Variants in ZFAND6 observed in about 807,000 individuals in gnomAD.
ZFAND6 encodes the protein AN1-type zinc finger protein 6.
ZFAND6 carries 12 observed loss-of-function variants against 24.5 expected under a neutral mutation model. That is an observed-to-expected ratio of 0.49 (90% CI 0.31 to 0.79). The LOEUF is 0.79. ZFAND6 is among the 30% of genes least tolerant of loss of function. The pLI is 0.04. For missense variants in ZFAND6, 207 were observed against 245.9 expected (o/e 0.84, Z 1.06); for synonymous variants, 92 against 81.5 (o/e 1.13, Z -0.69).
intron 2 of ZFAND6, among the ~76,000 whole-genome samples, chr15:80,102,997 C>T (rs1161354289): frequency 3.3e-5 from 5 of 152,192 alleles, no homozygotes; most frequent in Non-Finnish European, 7.3e-5. Context: ...TATTCTGTCT[C>T]CTCCCCACCT....
rs572142459 is a variant in ZFAND6, at chr15:80,131,240, C to G, written c.425C>G (p.Pro142Arg). 23 of 1,612,000 alleles carry G rather than the reference C, an allele frequency of 1.4e-5. No individual in the cohort carries two copies. Among genetic ancestry groups the G allele is most frequent in the East Asian group, 4.5e-5 (2 of 44,862 alleles). ...GAGCAAAGCAAGTCTCTTGAAAAAC[C>G]GAAACAAAAAAAGAATCGCTGTTTC... is the stretch of plus-strand genomic sequence containing the variant. The part of the protein sequence containing the change: ...SEEQSKSLEK[P>R]KQKKNRCFMC... The change falls in exon 6 of 7, where the codon CCG becomes CGG. Residue 142 changes from proline to arginine, a missense_variant. Physicochemically the swap from Pro to Arg is moderately radical, Grantham distance 103. Coordinates refer to ENST00000261749, the MANE Select transcript of ZFAND6 (RefSeq NM_019006.4).
intron 1 of ZFAND6, among the ~76,000 whole-genome samples, chr15:80,091,001 T>C (rs2038325290): frequency 1.3e-5 from 2 of 152,230 alleles, no homozygotes; most frequent in African/African-American, 2.4e-5. Flanking sequence ...TACTGAAATA[T>C]TCTATCTTGT....
chr15:80,065,010 T>TA (rs1596171469), intron 1 of ZFAND6, among the ~76,000 whole-genome samples: 1 of 151,624 alleles, frequency 6.6e-6, no homozygotes, highest in East Asian at 1.9e-4. Context: ...CCCTTTTTTT[T>TA]TTTTTTTTTT....
intron 1 of ZFAND6, among the ~76,000 whole-genome samples, chr15:80,066,843 G>C (rs2036671292): frequency 6.7e-6 from 1 of 149,980 alleles, no homozygotes; most frequent in African/African-American, 2.5e-5. Context: ...GTTGCAGTGA[G>C]CCGAGACTGC....
chr15:80,061,177 T>C (rs1447056361), intron 1 of ZFAND6, among the ~76,000 whole-genome samples: 1 of 152,204 alleles, frequency 6.6e-6, no homozygotes, highest in African/African-American at 2.4e-5. Context: ...TTATTTTTAC[T>C]TTTTTACGTT....
At chr15:80,111,855 G>A (rs1381674786) in intron 2 of ZFAND6, among the ~76,000 whole-genome samples, 3 of 152,180 alleles carry the variant, frequency 2.0e-5, no homozygotes, top group Non-Finnish European at 4.4e-5. Context: ...GTCTTGAATC[G>A]GAGAGTACAG....
chr15:80,107,329 A>G (rs1408728780), intron 2 of ZFAND6, among the ~76,000 whole-genome samples: 1 of 152,212 alleles, frequency 6.6e-6, no homozygotes, highest in Non-Finnish European at 1.5e-5. Context: ...AATGACTACT[A>G]TTAGGTAGTC....
Position 80,121,731 on chromosome 15 carries a change from G to A in ZFAND6, c.174G>A (p.Leu58=), listed in dbSNP as rs372075821. 3.7e-6 allele frequency: 6 copies of A among 1,613,694 alleles called. No homozygotes were observed. In the African/African-American group the frequency reaches 6.7e-5, roughly 18 times the overall value. ...TTACAGCAACCTCTGTCAGTAGTCT[G>A]TCTGAATCTTTACCAGTTCAATGCA... ...ISPPATSVSS[L]SESLPVQCTD... is the part of the protein sequence containing the mutation. Residue 58 remains leucine (L), a synonymous_variant, in exon 4 of 7, where the codon CTG becomes CTA. Coordinates refer to ENST00000261749, the MANE Select transcript of ZFAND6 (RefSeq NM_019006.4).
At chr15:80,088,119 C>T (rs2038115900) in intron 1 of ZFAND6, among the ~76,000 whole-genome samples, 1 of 152,138 alleles carries the variant, frequency 6.6e-6, no homozygotes, top group South Asian at 2.1e-4. Context: ...GTTGTCTCAA[C>T]AATACCCTTT....
chr15:80,067,987 A>C (rs1237562218), intron 1 of ZFAND6, among the ~76,000 whole-genome samples: 1 of 152,070 alleles, frequency 6.6e-6, no homozygotes, highest in African/African-American at 2.4e-5. Context: ...CTTGAGACGG[A>C]ATCTTACTCT....
intron 1 of ZFAND6, among the ~76,000 whole-genome samples, chr15:80,097,769 G>A (rs903388668): frequency 6.6e-6 from 1 of 152,002 alleles, no homozygotes; most frequent in African/African-American, 2.4e-5. Flanking sequence ...TTTTTATCTT[G>A]TAATTGTAGT....
At chr15:80,101,659 TTGTC>T (rs1381375380) in intron 2 of ZFAND6, among the ~76,000 whole-genome samples, 4 of 152,086 alleles carry the variant, frequency 2.6e-5, no homozygotes, top group African/African-American at 7.2e-5. Flanking sequence ...ACAATTCTCT[TTGTC>T]TGGAACATGA....
At position 80,138,260 on chromosome 15, in the gene ZFAND6, A is replaced by T. The variant is rs546975495; in HGVS notation, c.*632A>T. On this transcript the variant is annotated 3_prime_UTR_variant, in exon 7 of 7. Transcript: ENST00000261749. ...CTGTATGCATTTCATTGCTGTCTAC[A>T]GGTTTCTTTCAGATTATGTTCATGG... 1.0e-4 allele frequency: 16 copies of T among 152,762 alleles called. No individual in the cohort carries two copies. The highest frequency in any genetic ancestry group is 3.8e-4 in the African/African-American group (16 of 41,586). The allele number at this position is 152,762 out of a possible 1,614,324, so 9.5% of individuals were successfully genotyped here.
intron 1 of ZFAND6, among the ~76,000 whole-genome samples, chr15:80,081,522 T>C (rs1415112104): frequency 6.6e-6 from 1 of 152,140 alleles, no homozygotes; most frequent in Non-Finnish European, 1.5e-5. Flanking sequence ...TCAGATAACA[T>C]TTATGGTCAA....
intron 1 of ZFAND6, among the ~76,000 whole-genome samples, chr15:80,091,904 T>TGCTG (rs1482854615): frequency 3.3e-5 from 5 of 152,202 alleles, no homozygotes; most frequent in African/African-American, 1.2e-4. Context: ...CCTCCCAAAG[T>TGCTG]GCTGAGATTA....
At chr15:80,070,802 CTT>C (rs950130620) in intron 1 of ZFAND6, among the ~76,000 whole-genome samples, 1 of 150,510 alleles carries the variant, frequency 6.6e-6, no homozygotes, top group African/African-American at 2.4e-5. Flanking sequence ...TTTGCCATCT[CTT>C]TTTTTTTTCT....
chr15:80,079,834 T>G (rs1291383128), intron 1 of ZFAND6, among the ~76,000 whole-genome samples: 3 of 150,718 alleles, frequency 2.0e-5, no homozygotes, highest in Admixed American at 6.6e-5. Flanking sequence ...TTTTGTATTT[T>G]TAGTAGAGTC....
At chr15:80,114,423 A>G (rs1320671742) in intron 2 of ZFAND6, among the ~76,000 whole-genome samples, 1 of 152,196 alleles carries the variant, frequency 6.6e-6, no homozygotes, top group African/African-American at 2.4e-5. Flanking sequence ...TCTCTGGGAC[A>G]ATTATTATAC....
intron 1 of ZFAND6, among the ~76,000 whole-genome samples, chr15:80,079,515 C>T (rs1022473054): frequency 8.6e-5 from 13 of 151,828 alleles, no homozygotes; most frequent in African/African-American, 1.5e-4. Context: ...CCACCGCACC[C>T]GGCCTACTCT....
Sources: allele counts gnomAD v4.1 joint callset (sites outside exome capture counted in the v4.1 genomes callset), GRCh38; gene constraint gnomAD v4.1.1; transcripts MANE v1.5; gene names NCBI Gene and HGNC (gene_info 2026-07-23, HGNC 2026-07-21).